Variants in ZNF680 observed in about 807,000 individuals in gnomAD.
ZNF680 encodes the protein hypothetical protein FLJ90430.
A neutral mutation model predicts 12.1 loss-of-function variants in ZNF680; 6 were observed. The ratio of observed to expected loss-of-function variants is 0.49; its 90% CI spans 0.27 to 0.98. ZNF680 has a LOEUF of 0.98. Ranked by LOEUF, ZNF680 falls within the 50% of genes least tolerant of loss-of-function variation. ZNF680 has a pLI of 0.12. For missense variants in ZNF680, 561 were observed against 616.3 expected, an observed-to-expected ratio of 0.91 and a Z score of 0.95; for synonymous variants, 170 against 199.3, an observed-to-expected ratio of 0.85 and a Z score of 1.24.
chr7:64,502,319 G>A, the ZNF680 span, among the ~76,000 whole-genome samples: 2 of 151,884 alleles, frequency 1.3e-5, no homozygotes, highest in Admixed American at 6.6e-5. Context: ...CCGGATTTAC[G>A]GTTTTTATCA....
At chr7:64,501,233 G>A in the ZNF680 span, 1 of 875,030 alleles carries the variant, frequency 1.1e-6, no homozygotes, top group Non-Finnish European at 1.9e-6. Flanking sequence ...AGGATGTACA[G>A]TTGCCCAGCA....
the ZNF680 span, among the ~76,000 whole-genome samples, chr7:64,503,165 A>G: frequency 2.0e-5 from 3 of 152,352 alleles, no homozygotes; most frequent in Non-Finnish European, 2.9e-5. Flanking sequence ...GCAACTTAGT[A>G]TTATATATAG....
intron 1 of ZNF680, among the ~76,000 whole-genome samples, chr7:64,560,022 T>G (rs1787643045): frequency 6.6e-6 from 1 of 151,778 alleles, no homozygotes; most frequent in Non-Finnish European, 1.5e-5. Context: ...AAATTTACCA[T>G]GCAAAAAGAG....
chr7:64,554,126 G>A (rs562095980), intron 1 of ZNF680, among the ~76,000 whole-genome samples: 11 of 151,510 alleles, frequency 7.3e-5, no homozygotes, highest in African/African-American at 1.7e-4. Flanking sequence ...CCGTCATCCC[G>A]TCTAGGAAGT....
At chr7:64,502,629 G>C in the ZNF680 span, among the ~76,000 whole-genome samples, 1 of 152,146 alleles carries the variant, frequency 6.6e-6, no homozygotes, top group African/African-American at 2.4e-5. Flanking sequence ...TTTGTTAACA[G>C]CCTGATGTTT....
At chr7:64,499,877 C>G in the ZNF680 span, among the ~76,000 whole-genome samples, 1 of 152,216 alleles carries the variant, frequency 6.6e-6, no homozygotes, top group African/African-American at 2.4e-5. Flanking sequence ...TAGGCACATT[C>G]TTTTCCCTTC....
At chr7:64,552,581 ACT>A (rs1369230547) in intron 1 of ZNF680, among the ~76,000 whole-genome samples, 3 of 152,174 alleles carry the variant, frequency 2.0e-5, no homozygotes, top group African/African-American at 7.2e-5. Flanking sequence ...AGTATGTAAG[ACT>A]AGTATCTACT....
At chr7:64,506,081 T>C in the ZNF680 span, among the ~76,000 whole-genome samples, 1 of 152,048 alleles carries the variant, frequency 6.6e-6, no homozygotes, top group Non-Finnish European at 1.5e-5. Flanking sequence ...ACAGTTTTTT[T>C]ACACTCAAGA....
At chr7:64,542,218 C>A (rs543725913) in intron 3 of ZNF680, among the ~76,000 whole-genome samples, 18 of 147,260 alleles carry the variant, frequency 1.2e-4, no homozygotes, top group African/African-American at 4.5e-4. Context: ...ATCCCATCAC[C>A]CTGAGAACCC....
intron 3 of ZNF680, 102 bp downstream of exon 3, chr7:64,543,605 G>A (rs1786620904): frequency 3.0e-6 from 3 of 1,005,902 alleles, no homozygotes; most frequent in African/African-American, 3.4e-5. Context: ...TATTTTCTCT[G>A]GAACATAGCT....
chr7:64,516,319 C>G (rs977407740), downstream of ZNF680, among the ~76,000 whole-genome samples: 3 of 152,154 alleles, frequency 2.0e-5, no homozygotes, highest in Non-Finnish European at 4.4e-5. Flanking sequence ...TAGAACTACT[C>G]TAGGAATATA....
chr7:64,561,916 C>A (rs1182684728), intron 1 of ZNF680, among the ~76,000 whole-genome samples: 2 of 98,538 alleles, frequency 2.0e-5, no homozygotes. Context: ...GCCTGGGCGA[C>A]AGAGCAAGAC....
chr7:64,553,348 A>G (rs1452508012), intron 1 of ZNF680, among the ~76,000 whole-genome samples: 4 of 152,162 alleles, frequency 2.6e-5, no homozygotes, highest in African/African-American at 9.7e-5. Flanking sequence ...AAATGCTTTA[A>G]GAAAAGAGAG....
chr7:64,512,839 G>A, the ZNF680 span, among the ~76,000 whole-genome samples: 2 of 151,990 alleles, frequency 1.3e-5, no homozygotes, highest in African/African-American at 2.4e-5. Flanking sequence ...AAAAATAAGT[G>A]CTTAAATCAA....
At chr7:64,551,390 G>T (rs557825468) in intron 1 of ZNF680, 1 of 152,036 alleles carries the variant, frequency 6.6e-6, no homozygotes, top group African/African-American at 2.4e-5. Flanking sequence ...GTTTTCTCTT[G>T]ACTCCTACCT....
intron 1 of ZNF680, among the ~76,000 whole-genome samples, 190 bp downstream of exon 1, chr7:64,562,735 C>T (rs1162865356): frequency 6.6e-6 from 1 of 152,228 alleles, no homozygotes; most frequent in Non-Finnish European, 1.5e-5. Context: ...GACATGACGC[C>T]CGGGGTCCGG....
At chr7:64,513,479 T>C in the ZNF680 span, among the ~76,000 whole-genome samples, 2 of 152,122 alleles carry the variant, frequency 1.3e-5, no homozygotes, top group Admixed American at 6.5e-5. Flanking sequence ...ATTAAAGCAC[T>C]AATCAACTCT....
intron 3 of ZNF680, among the ~76,000 whole-genome samples, chr7:64,541,097 T>C (rs1786478130): frequency 6.6e-6 from 1 of 152,194 alleles, no homozygotes; most frequent in African/African-American, 2.4e-5. Context: ...TTGCAGAATA[T>C]GGTTAGCACT....
the ZNF680 span, among the ~76,000 whole-genome samples, chr7:64,506,395 A>T: frequency 6.6e-6 from 1 of 152,040 alleles, no homozygotes; most frequent in Non-Finnish European, 1.5e-5. Context: ...TCACCGTGTT[A>T]GCCAGGATGG....
Sources: allele counts gnomAD v4.1 joint callset (sites outside exome capture counted in the v4.1 genomes callset), GRCh38; gene constraint gnomAD v4.1.1; transcripts MANE v1.5; gene names NCBI Gene and HGNC (gene_info 2026-07-23, HGNC 2026-07-21).